The following PDK3 variants were observed in gnomAD, a reference collection of about 807,000 sequenced individuals.
PDK3 encodes the protein pyruvate dehydrogenase kinase, isozyme 3.
In PDK3, 12 loss-of-function variants were observed where a neutral mutation model predicts 32.0. The ratio of observed to expected loss-of-function variants is 0.37; its 90% CI spans 0.24 to 0.61. The LOEUF is 0.61. PDK3 is among the 20% of genes least tolerant of loss of function. PDK3 has a pLI of 0.65. For missense variants in PDK3, 188 were observed against 316.9 expected, an observed-to-expected ratio of 0.59 and a Z score of 3.09; for synonymous variants, 122 against 116.3, an observed-to-expected ratio of 1.05 and a Z score of -0.31.
intron 1 of PDK3, among the ~76,000 whole-genome samples, chrX:24,491,296 AAAAAG>A (rs1457747327): frequency 7.3e-5 from 8 of 110,275 alleles, no homozygotes; most frequent in African/African-American, 2.3e-4. Flanking sequence ...AAAAAAAAGA[AAAAAG>A]AAAAAAAAAT....
In PDK3 at chrX:24,533,934, T is replaced by C. The variant is rs746261967; in HGVS notation, c.1083T>C (p.Leu361=). The C allele has an allele frequency of 8.3e-5, 100 of 1,198,265 alleles. No individual in the cohort carries two copies. Among genetic ancestry groups the C allele is most frequent in the Non-Finnish European group, 1.1e-4 (98 of 887,259 alleles). ...TATTTTTGTTTCTCCAATAGGCTCT[T>C]TCAAGTGAGTCATTTGAGAGACTTC... is the stretch of plus-strand genomic sequence containing the variant. ...GTDAVIYLKA[L]SSESFERLPV... is the part of the protein sequence containing the mutation. Residue 361 remains leucine, a synonymous_variant, in exon 11 of 11, where the codon CTT becomes CTC. Transcript: ENST00000379162.
intron 2 of PDK3, among the ~76,000 whole-genome samples, chrX:24,496,247 C>T (rs1921695310): frequency 9.1e-6 from 1 of 109,572 alleles, no homozygotes; most frequent in Non-Finnish European, 1.9e-5. Context: ...CATTTGGCAA[C>T]GTTCTACCAT....
At chrX:24,488,543 G>C (rs1417919862) in intron 1 of PDK3, among the ~76,000 whole-genome samples, 1 of 111,318 alleles carries the variant, frequency 9.0e-6, no homozygotes, top group Non-Finnish European at 1.9e-5. Flanking sequence ...ACAAAAATTA[G>C]CCGGGTGTGG....
rs754600195 is a variant in PDK3 at position 24,505,309 on chromosome X, C to T, written c.595+11C>T. On this transcript the variant is annotated intron_variant, in intron 5 of 10. Coordinates refer to ENST00000379162, the MANE Select transcript of PDK3 (RefSeq NM_005391.5). ...CGGATGTGGTGAAAGGTAAGGAGAC[C>T]GTTGTAATGGTATCGATCGTAGTTC... The T allele has an allele frequency of 4.4e-6, 5 of 1,127,416 alleles. No homozygotes were observed. In the South Asian group the frequency reaches 9.3e-5, roughly 21 times the overall value. The allele number at this position is 1,127,416 out of a possible 1,213,427, so 92.9% of individuals were successfully genotyped here.
At chrX:24,491,183 G>A (rs1287997753) in intron 1 of PDK3, among the ~76,000 whole-genome samples, 2 of 107,654 alleles carry the variant, frequency 1.9e-5, no homozygotes, top group Non-Finnish European at 3.8e-5. Flanking sequence ...GCATGGTGGC[G>A]GATGCCTTTA....
At chrX:24,533,140 T>G in intron 10 of PDK3, among the ~76,000 whole-genome samples, 1 of 61,681 alleles carries the variant, frequency 1.6e-5, no homozygotes, top group East Asian at 4.8e-4. Flanking sequence ...TTTCTTTTTC[T>G]TTTTTTTTTT....
chrX:24,528,984 T>G (rs757792283), intron 9 of PDK3, among the ~76,000 whole-genome samples: 1 of 113,019 alleles, frequency 8.8e-6, no homozygotes, highest in East Asian at 2.8e-4. Flanking sequence ...CATAAGATTA[T>G]ATTTTATTTG....
chrX:24,529,749 G>C (rs1282591277), intron 9 of PDK3, among the ~76,000 whole-genome samples: 1 of 98,128 alleles, frequency 1.0e-5, no homozygotes, highest in African/African-American at 3.7e-5. Context: ...ACAGAGCGAG[G>C]CTCTGCCTCA....
intron 1 of PDK3, among the ~76,000 whole-genome samples, chrX:24,485,158 G>A (rs1271241139): frequency 9.0e-6 from 1 of 111,286 alleles, no homozygotes; most frequent in Non-Finnish European, 1.9e-5. Flanking sequence ...GACCAGCCTG[G>A]CCAACATGGT....
chrX:24,496,769 A>ATTTT (rs1569221835), intron 2 of PDK3, among the ~76,000 whole-genome samples: 3 of 73,016 alleles, frequency 4.1e-5, no homozygotes, highest in Non-Finnish European at 7.3e-5. Context: ...CCTCAAAATA[A>ATTTT]TCTTTTTTTT....
chrX:24,514,221 A>T (rs1030278933), intron 5 of PDK3, among the ~76,000 whole-genome samples: 5 of 112,198 alleles, frequency 4.5e-5, no homozygotes, highest in African/African-American at 1.6e-4. Context: ...TGTTGGGCTG[A>T]TTGCTGTGTG....
At chrX:24,543,739 G>A (rs770052822) in exon 12 of PDK3, among the ~76,000 whole-genome samples, 5 of 111,626 alleles carry the variant, frequency 4.5e-5, no homozygotes, top group Non-Finnish European at 7.5e-5. Flanking sequence ...GTGAGCCACC[G>A]CGCCCAGCCT....
chrX:24,476,449 C>G (rs1241137844), intron 1 of PDK3, among the ~76,000 whole-genome samples: 3 of 111,799 alleles, frequency 2.7e-5, no homozygotes, highest in African/African-American at 9.8e-5. Flanking sequence ...TGCAAATACT[C>G]TAGGCCATTT....
intron 6 of PDK3, among the ~76,000 whole-genome samples, chrX:24,522,438 T>C (rs1031736279): frequency 9.0e-6 from 1 of 111,520 alleles, no homozygotes; most frequent in African/African-American, 3.3e-5. Context: ...TCCTAGAGAA[T>C]GTTGTTTAAA....
At chrX:24,519,366 C>CTTTT (rs1201625079) in intron 6 of PDK3, among the ~76,000 whole-genome samples, 16 of 86,668 alleles carry the variant, frequency 1.8e-4, no homozygotes, top group Non-Finnish European at 3.0e-4. Context: ...AGACAAATGC[C>CTTTT]TTTTTTTTTT....
exon 12 of PDK3, among the ~76,000 whole-genome samples, chrX:24,544,158 G>A (rs769150115): frequency 5.4e-5 from 6 of 111,193 alleles, no homozygotes; most frequent in African/African-American, 2.0e-4. Flanking sequence ...GGATTTGGGG[G>A]AATAAGGAGT....
chrX:24,536,445 G>A (rs931772814), downstream of PDK3, among the ~76,000 whole-genome samples: 84 of 110,814 alleles, frequency 7.6e-4, no homozygotes, highest in African/African-American at 2.7e-3. Flanking sequence ...AGGCCATTTA[G>A]GTATTTTGAA....
chrX:24,492,805 C>T (rs1232052386), intron 1 of PDK3, among the ~76,000 whole-genome samples: 1 of 109,843 alleles, frequency 9.1e-6, no homozygotes, highest in Non-Finnish European at 1.9e-5. Flanking sequence ...TGGAGACCAT[C>T]CTGGCTAACA....
chrX:24,470,425 G>A (rs1322476193), intron 1 of PDK3, among the ~76,000 whole-genome samples: 1 of 111,189 alleles, frequency 9.0e-6, no homozygotes, highest in Non-Finnish European at 1.9e-5. Flanking sequence ...GGTGGCTCAT[G>A]CCTGTAATCC....
Sources: allele counts gnomAD v4.1 joint callset (sites outside exome capture counted in the v4.1 genomes callset), GRCh38; gene constraint gnomAD v4.1.1; transcripts MANE v1.5; gene names NCBI Gene and HGNC (gene_info 2026-07-23, HGNC 2026-07-21).